DTWD1: variants seen among roughly 807,000 people sequenced by gnomAD.
DTWD1 encodes tRNA-uridine aminocarboxypropyltransferase 1.
In DTWD1, 27 loss-of-function variants were observed where a neutral mutation model predicts 30.2. The observed-to-expected ratio is 0.90, with a 90% confidence interval of 0.66 to 1.23. The LOEUF (loss-of-function observed/expected upper bound fraction) is 1.23. DTWD1 is among the 50% of genes most tolerant of loss of function. The pLI, the probability that DTWD1 is intolerant of heterozygous loss-of-function variation, is 0.00. For missense variants in DTWD1, 342 were observed against 348.8 expected (o/e 0.98, Z 0.15); for synonymous variants, 99 against 113.1 (o/e 0.88, Z 0.79).
At chr15:49,627,050 T>C (rs1163497538) in intron 2 of DTWD1, among the ~76,000 whole-genome samples, 4 of 152,106 alleles carry the variant, frequency 2.6e-5, no homozygotes, top group Non-Finnish European at 5.9e-5. Flanking sequence ...GTGTATTGTA[T>C]TAAAAAATGG....
chr15:49,633,037 T>TTATATATATATATATATATATATA (rs1555588540), intron 3 of DTWD1, among the ~76,000 whole-genome samples: 1 of 76,696 alleles, frequency 1.3e-5, no homozygotes, highest in African/African-American at 3.2e-5. Flanking sequence ...ACTTTCCTAT[T>TTATATATATATATATATATATATA]TATATCTATA....
intron 2 of DTWD1, among the ~76,000 whole-genome samples, chr15:49,626,059 T>C (rs2153351321): frequency 6.6e-6 from 1 of 152,274 alleles, no homozygotes; most frequent in Middle Eastern, 3.4e-3. Flanking sequence ...TTGTTTTTCT[T>C]GTCTCTGGGT....
intron 2 of DTWD1, among the ~76,000 whole-genome samples, chr15:49,631,608 T>TA (rs1328157870): frequency 1.3e-5 from 2 of 151,786 alleles, no homozygotes; most frequent in African/African-American, 4.8e-5. Flanking sequence ...ACTAAAAAAA[T>TA]ACAACAATTA....
At position 49,654,418 on chromosome 15, in the gene DTWD1, C is replaced by T. The variant is rs2079168516; in HGVS notation, c.*10840C>T. 1 of 152,046 alleles carries T rather than the reference C, an allele frequency of 6.6e-6. No homozygotes were observed. The highest frequency in any genetic ancestry group is 6.6e-5 in the Admixed American group (1 of 15,234). 9.4% of individuals were successfully genotyped at this position (152,046 alleles called of 1,614,324 possible). A position where few individuals can be genotyped will look rare whatever the true frequency, so the allele number is the denominator to read the frequency against. The stretch of plus-strand genomic sequence containing the variant: ...TTTAATCTGGATTGGCCTTCTAACT[C>T]ACTTTGACCAATAAAATGTGGTAAA... On this transcript the variant is annotated 3_prime_UTR_variant, in exon 5 of 5. Transcript: ENST00000403028.
At chr15:49,627,872 ACAC>A (rs2153351646) in intron 2 of DTWD1, among the ~76,000 whole-genome samples, 1 of 152,316 alleles carries the variant, frequency 6.6e-6, no homozygotes, top group East Asian at 1.9e-4. Context: ...GTTTTTATAA[ACAC>A]TGTATACTTA....
chr15:49,642,709 C>T (rs1380459579), intron 4 of DTWD1, among the ~76,000 whole-genome samples: 5 of 151,798 alleles, frequency 3.3e-5, no homozygotes, highest in African/African-American at 7.3e-5. Flanking sequence ...ACTTGAGCCC[C>T]GGATTTTGAG....
rs768241776 is a variant in DTWD1 at position 49,625,178 on chromosome 15, A to G, written c.11A>G (p.Asn4Ser). 5.6e-6 allele frequency: 9 copies of G among 1,612,810 alleles called. No individual in the cohort carries two copies. Among genetic ancestry groups the G allele is most frequent in the Middle Eastern group, 1.6e-4 (1 of 6,072 alleles). The change falls in exon 2 of 5, where the codon AAT (asparagine) becomes AGT (serine). Residue 4 changes from asparagine (N) to serine (S), a missense_variant. Coordinates refer to ENST00000403028, the MANE Select transcript of DTWD1 (RefSeq NM_001144955.2). ...TGGTTTGAATGAAGAATGTCTCTCA[A>G]TCCACCTATATTTCTCAAACGAAGT... MSL[N>S]PPIFLKRSEE...
intron 2 of DTWD1, chr15:49,630,981 C>T (rs1567737433): frequency 4.5e-6 from 2 of 447,414 alleles, no homozygotes; most frequent in African/African-American, 2.0e-5. Flanking sequence ...GAAGATCTGT[C>T]ACTGTCTCCC....
intron 3 of DTWD1, among the ~76,000 whole-genome samples, 170 bp downstream of exon 3, chr15:49,632,472 C>A (rs2078935996): frequency 6.6e-6 from 1 of 152,212 alleles, no homozygotes; most frequent in Admixed American, 6.5e-5. Flanking sequence ...CTTCAAAGAT[C>A]AGATGTTTCT....
intron 4 of DTWD1, among the ~76,000 whole-genome samples, chr15:49,640,258 G>A (rs1161579164): frequency 6.6e-6 from 1 of 151,942 alleles, no homozygotes; most frequent in East Asian, 1.9e-4. Flanking sequence ...TGTTTCTAGG[G>A]TTTATATATA....
chr15:49,640,341 C>T (rs1567744945), intron 4 of DTWD1, among the ~76,000 whole-genome samples: 1 of 152,062 alleles, frequency 6.6e-6, no homozygotes, highest in Non-Finnish European at 1.5e-5. Context: ...TACAGTTTAT[C>T]TGGTTTCCTG....
intron 2 of DTWD1, among the ~76,000 whole-genome samples, chr15:49,627,879 A>G (rs1435180774): frequency 3.3e-5 from 5 of 152,190 alleles, no homozygotes; most frequent in Non-Finnish European, 7.3e-5. Context: ...TAAACACTGT[A>G]TACTTAGGGT....
At chr15:49,641,471 C>T (rs2079063891) in intron 4 of DTWD1, among the ~76,000 whole-genome samples, 3 of 152,000 alleles carry the variant, frequency 2.0e-5, no homozygotes, top group South Asian at 2.1e-4. Flanking sequence ...TTTTGTCTGT[C>T]GTTTATTGTC....
chr15:49,646,337 T>A lies in DTWD1; in HGVS notation c.*2759T>A, dbSNP rs2079118547. On this transcript the variant is annotated 3_prime_UTR_variant, in exon 5 of 5. Coordinates refer to ENST00000403028, the MANE Select transcript of DTWD1 (RefSeq NM_001144955.2). ...CTTTGGATGCATTATCAGATCATCT[T>A]CTTCAAGTACCTTAGAAGATTCTCA... The A allele has an allele frequency of 6.6e-6, 1 of 152,218 alleles. No homozygotes were observed. Among genetic ancestry groups the A allele is most frequent in the South Asian group, 2.1e-4 (1 of 4,828 alleles). 9.4% of individuals were successfully genotyped at this position (152,218 alleles called of 1,614,324 possible).
chr15:49,626,886 A>G, intron 2 of DTWD1: 1 of 330,308 alleles, frequency 3.0e-6, no homozygotes, highest in East Asian at 7.7e-5. Flanking sequence ...AAAAACAAGA[A>G]CTTGAGGGTA....
Position 49,651,993 on chromosome 15 carries a change from G to C in DTWD1, c.*8415G>C, listed in dbSNP as rs771262466. The C allele has an allele frequency of 6.6e-6, 1 of 152,078 alleles. No homozygotes were observed. The highest frequency in any genetic ancestry group is 1.5e-5 in the Non-Finnish European group (1 of 68,014). The allele number at this position is 152,078 out of a possible 1,614,324, so 9.4% of individuals were successfully genotyped here. ...AGGATGCCATACTCCAAGATACAGA[G>C]TATGTACTGGATCAATTATCCTTAT... On this transcript the variant is annotated 3_prime_UTR_variant, in exon 5 of 5. Transcript: ENST00000403028.
At chr15:49,634,515 A>G in intron 3 of DTWD1, 21 bp from the exon 4 acceptor site, 1 of 1,586,234 alleles carries the variant, frequency 6.3e-7, no homozygotes, top group Non-Finnish European at 8.5e-7. Flanking sequence ...CACACTGCTA[A>G]CCCAATTTTC....
At chr15:49,631,802 G>A (rs1289560784) in intron 2 of DTWD1, among the ~76,000 whole-genome samples, 1 of 152,022 alleles carries the variant, frequency 6.6e-6, no homozygotes, top group African/African-American at 2.4e-5. Flanking sequence ...CATAAAATAG[G>A]CAAACCTAAA....
intron 2 of DTWD1, among the ~76,000 whole-genome samples, chr15:49,627,641 T>C (rs2078861039): frequency 6.6e-6 from 1 of 152,230 alleles, no homozygotes; most frequent in Non-Finnish European, 1.5e-5. Context: ...TACAGCATGT[T>C]ATTGTACTGC....
Sources: allele counts gnomAD v4.1 joint callset (sites outside exome capture counted in the v4.1 genomes callset), GRCh38; gene constraint gnomAD v4.1.1; transcripts MANE v1.5; gene names NCBI Gene and HGNC (gene_info 2026-07-23, HGNC 2026-07-21).